NRXN1: variants seen among roughly 807,000 people sequenced by gnomAD.
NRXN1 encodes the protein neurexin-1.
Under a neutral mutation model 150.9 loss-of-function variants are expected in NRXN1, and 39 were observed. That is an observed-to-expected ratio of 0.26 (90% confidence interval 0.20 to 0.34). NRXN1 has a LOEUF of 0.34. Ranked by LOEUF, NRXN1 falls within the 10% of genes least tolerant of loss-of-function variation. NRXN1 has a pLI of 1.00. For missense variants in NRXN1, 1,815 were observed against 1,949.9 expected (o/e 0.93, Z 1.30); for synonymous variants, 924 against 757.0 (o/e 1.22, Z -3.62).
chr2:50,196,873 C>A (rs1205406648), intron 18 of NRXN1, among the ~76,000 whole-genome samples: 2 of 151,904 alleles, frequency 1.3e-5, no homozygotes, highest in East Asian at 1.9e-4. Context: ...CTTACGAACA[C>A]AAAGAAGGAA....
intron 17 of NRXN1, among the ~76,000 whole-genome samples, chr2:50,384,646 C>T (rs933301363): frequency 6.6e-6 from 1 of 152,072 alleles, no homozygotes; most frequent in Admixed American, 6.6e-5. Context: ...TGCACAAATA[C>T]CCAACTAATC....
intron 18 of NRXN1, among the ~76,000 whole-genome samples, chr2:50,158,798 C>T (rs2059183342): frequency 6.6e-6 from 1 of 152,060 alleles, no homozygotes. Flanking sequence ...TTCTTCTCCA[C>T]CACATATTGG....
chr2:50,591,410 A>AGAT (rs1573688528), intron 8 of NRXN1, among the ~76,000 whole-genome samples: 1 of 135,768 alleles, frequency 7.4e-6, no homozygotes, highest in East Asian at 2.2e-4. Context: ...ATAGATAGAT[A>AGAT]GATAGATAGA....
At chr2:50,849,972 G>A (rs1382286937) in intron 5 of NRXN1, among the ~76,000 whole-genome samples, 9 of 152,222 alleles carry the variant, frequency 5.9e-5, no homozygotes, top group African/African-American at 2.2e-4. Flanking sequence ...TTCGGAGACT[G>A]AGGCAGGAAG....
chr2:50,204,312 G>T (rs868258810), intron 18 of NRXN1, among the ~76,000 whole-genome samples: 1 of 151,088 alleles, frequency 6.6e-6, no homozygotes, highest in Non-Finnish European at 1.5e-5. Flanking sequence ...AAAAAATAAA[G>T]TTATTTGAAA....
At position 50,727,480 on chromosome 2, in the gene NRXN1, C is replaced by A. The variant is rs540592194; in HGVS notation, c.833-103865G>T. 6.6e-5 allele frequency among the ~76,000 whole-genome samples: 10 copies of A among 151,990 alleles called. No homozygotes were observed. The South Asian group carries it at 1.0e-3, about 16-fold the overall frequency. On this transcript the variant is annotated intron_variant, in intron 5 of 22. Transcript: ENST00000401669. ...CACACCTACACATCCTTCCGTATGG[C>A]TAAAAACAAATTTTAAGTTGTTTTT...
chr2:50,755,133 T>C (rs1225909575), intron 5 of NRXN1, among the ~76,000 whole-genome samples: 1 of 151,830 alleles, frequency 6.6e-6, no homozygotes. Flanking sequence ...GCCAGAGCCT[T>C]CTTGAGAACT....
intron 15 of NRXN1, among the ~76,000 whole-genome samples, chr2:50,479,613 A>C (rs941405300): frequency 5.7e-5 from 7 of 123,222 alleles, no homozygotes; most frequent in South Asian, 2.5e-4. Flanking sequence ...TGGATGAATT[A>C]GTAGTTCACA....
chr2:50,078,891 A>C (rs1697486815), intron 19 of NRXN1, among the ~76,000 whole-genome samples: 1 of 152,106 alleles, frequency 6.6e-6, no homozygotes. Flanking sequence ...AAATATTTTT[A>C]GACTACATAA....
At chr2:50,502,816 G>A (rs751730156) in intron 13 of NRXN1, among the ~76,000 whole-genome samples, 2 of 151,572 alleles carry the variant, frequency 1.3e-5, no homozygotes, top group Non-Finnish European at 2.9e-5. Flanking sequence ...TTTGGGTGTA[G>A]GTATATATAC....
At chr2:50,598,554 A>ATG (rs1558996589) in intron 8 of NRXN1, among the ~76,000 whole-genome samples, 1 of 134,044 alleles carries the variant, frequency 7.5e-6, no homozygotes, top group African/African-American at 3.0e-5. Context: ...ATATGTGTGT[A>ATG]TATATATATG....
At position 50,097,281 on chromosome 2, in the gene NRXN1, C is replaced by T. The variant is rs111421139; in HGVS notation, c.3547-5787G>A. 1.5e-4 allele frequency among the ~76,000 whole-genome samples: 23 copies of T among 152,308 alleles called. 1 individual carries two copies. Among genetic ancestry groups the T allele is most frequent in the African/African-American group, 4.6e-4 (19 of 41,574 alleles). On this transcript the variant is annotated intron_variant, in intron 18 of 22. Coordinates refer to ENST00000401669, the MANE Select transcript of NRXN1 (RefSeq NM_001330078.2). ...GTAGATTAGCAGGGAGCCCTGTTTACGTTCTGTAAACTTCTGTCATGCACC... is the reference window on the plus strand; with the variant it reads ...GTAGATTAGCAGGGAGCCCTGTTTATGTTCTGTAAACTTCTGTCATGCACC...
intron 21 of NRXN1, among the ~76,000 whole-genome samples, chr2:50,004,631 T>C (rs979914121): frequency 1.3e-5 from 2 of 152,140 alleles, no homozygotes; most frequent in African/African-American, 2.4e-5. Context: ...CAATCTTTTA[T>C]ATACACTTTC....
At chr2:50,188,088 G>T (rs1479035490) in intron 18 of NRXN1, among the ~76,000 whole-genome samples, 1 of 151,930 alleles carries the variant, frequency 6.6e-6, no homozygotes, top group African/African-American at 2.4e-5. Context: ...TTGCCTGACT[G>T]CCCTGGCCAG....
At chr2:50,892,179 C>T (rs1052623834) in intron 5 of NRXN1, among the ~76,000 whole-genome samples, 2 of 151,940 alleles carry the variant, frequency 1.3e-5, no homozygotes, top group Non-Finnish European at 2.9e-5. Flanking sequence ...ACTTGTATTG[C>T]CAATACCTGA....
intron 5 of NRXN1, among the ~76,000 whole-genome samples, chr2:50,817,775 T>G (rs12233045): frequency 6.6e-6 from 1 of 151,610 alleles, no homozygotes; most frequent in Non-Finnish European, 1.5e-5. Flanking sequence ...ATGCAGGGGG[T>G]AAAAAAGTAT....
intron 5 of NRXN1, among the ~76,000 whole-genome samples, chr2:50,796,857 T>C (rs1706905327): frequency 6.6e-6 from 1 of 152,100 alleles, no homozygotes; most frequent in East Asian, 1.9e-4. Context: ...CAAGAGAAAT[T>C]TATTGTTCTC....
intron 2 of NRXN1, among the ~76,000 whole-genome samples, chr2:50,978,307 A>ATATATATATATAT (rs1558524554): frequency 2.1e-4 from 17 of 79,262 alleles, no homozygotes; most frequent in East Asian, 9.4e-4. Context: ...TATATATATA[A>ATATATATATATAT]AATATATATA....
At chr2:50,479,982 C>T (rs1183338731) in intron 15 of NRXN1, among the ~76,000 whole-genome samples, 1 of 152,012 alleles carries the variant, frequency 6.6e-6, no homozygotes, top group Non-Finnish European at 1.5e-5. Flanking sequence ...CCGCGTTGGC[C>T]AGGCTAGTCT....
Sources: gnomAD v4.1 joint callset for allele counts (sites outside exome capture counted in the v4.1 genomes callset) on GRCh38, gnomAD v4.1.1 for gene constraint, MANE v1.5 for transcripts, NCBI Gene and HGNC (gene_info 2026-07-23, HGNC 2026-07-21) for gene names.